SOX5: variants seen among roughly 807,000 people sequenced by gnomAD.
The protein encoded by SOX5 is transcription factor SOX-5.
Under a neutral mutation model 92.0 loss-of-function variants are expected in SOX5, and 9 were observed. The ratio of observed to expected loss-of-function variants is 0.10; its 90% CI spans 0.06 to 0.17. The LOEUF is 0.17. SOX5 is among the 10% of genes least tolerant of loss of function. The pLI is 1.00. For synonymous variants in SOX5, 344 were observed against 336.3 expected, an observed-to-expected ratio of 1.02 and a Z score of -0.25; for missense variants, 642 against 944.5, an observed-to-expected ratio of 0.68 and a Z score of 4.20.
At chr12:23,936,838 A>T (rs935811855) in intron 1 of SOX5, among the ~76,000 whole-genome samples, 1 of 151,036 alleles carries the variant, frequency 6.6e-6, no homozygotes, top group African/African-American at 2.4e-5. Flanking sequence ...ACTTAGTAAG[A>T]TATTTTACAT....
intron 2 of SOX5, among the ~76,000 whole-genome samples, chr12:23,886,484 C>G (rs1314512693): frequency 1.3e-5 from 2 of 151,952 alleles, no homozygotes; most frequent in Admixed American, 6.6e-5. Context: ...CCACGTCTTA[C>G]AGATTTCATT....
chr12:24,047,938 G>A (rs183770751), intron 4 of SOX5, among the ~76,000 whole-genome samples: 104 of 152,286 alleles, frequency 6.8e-4, no homozygotes, highest in African/African-American at 2.3e-3. Flanking sequence ...AAGAGTAAAC[G>A]TTAACAAGTG....
chr12:24,154,918 G>T (rs747660991), intron 4 of SOX5, among the ~76,000 whole-genome samples: 3 of 152,042 alleles, frequency 2.0e-5, no homozygotes, highest in Non-Finnish European at 2.9e-5. Context: ...CTTGTCAGAG[G>T]ATTATAAAAG....
intron 6 of SOX5, among the ~76,000 whole-genome samples, chr12:23,672,392 C>G (rs553200556): frequency 4.9e-4 from 75 of 152,284 alleles, no homozygotes; most frequent in African/African-American, 1.7e-3. Context: ...CTTTTCAAAA[C>G]TGCCTGTCAC....
chr12:24,256,699 G>T (rs1941249161), intron 3 of SOX5, among the ~76,000 whole-genome samples: 1 of 152,088 alleles, frequency 6.6e-6, no homozygotes, highest in East Asian at 1.9e-4. Flanking sequence ...CATTAGAGTT[G>T]CAGAATTATA....
intron 2 of SOX5, among the ~76,000 whole-genome samples, chr12:24,293,576 A>G (rs1271886494): frequency 1.3e-5 from 2 of 151,916 alleles, no homozygotes; most frequent in Non-Finnish European, 2.9e-5. Flanking sequence ...AGGACTGGTT[A>G]TGCAGTTTAT....
At chr12:23,677,194 T>C (rs1299407764) in intron 6 of SOX5, among the ~76,000 whole-genome samples, 1 of 152,168 alleles carries the variant, frequency 6.6e-6, no homozygotes, top group African/African-American at 2.4e-5. Context: ...CCCCCACCCT[T>C]TCCATTCTGC....
chr12:23,968,008 T>C (rs766852396), intron 4 of SOX5, among the ~76,000 whole-genome samples: 3 of 152,170 alleles, frequency 2.0e-5, no homozygotes, highest in Non-Finnish European at 4.4e-5. Flanking sequence ...TACCAACCCT[T>C]TGAGGTAGGC....
At chr12:23,840,001 A>G (rs1445573574) in intron 3 of SOX5, among the ~76,000 whole-genome samples, 1 of 151,578 alleles carries the variant, frequency 6.6e-6, no homozygotes, top group African/African-American at 2.4e-5. Context: ...AAAAAAAAAA[A>G]AAAAAAAGAA....
chr12:23,731,041 A>G lies in SOX5; in HGVS notation c.810+3643T>C, dbSNP rs749972315. ...CTTCTAATCTGCTGAGGATCCAGAA[A>G]GAACAAAAACAGAGGAAAGGTGAAT... On this transcript the variant is annotated intron_variant, in intron 6 of 14. Coordinates refer to ENST00000451604, the MANE Select transcript of SOX5 (RefSeq NM_006940.6). 7.5e-4 allele frequency among the ~76,000 whole-genome samples: 114 copies of G among 152,322 alleles called. No individual in the cohort carries two copies. In the Middle Eastern group the frequency reaches 0.01, roughly 14 times the overall value.
At chr12:23,552,047 G>A (rs1388421452) in intron 11 of SOX5, among the ~76,000 whole-genome samples, 1 of 151,818 alleles carries the variant, frequency 6.6e-6, no homozygotes, top group Non-Finnish European at 1.5e-5. Flanking sequence ...TTTTGGTCCA[G>A]GTGAATAACT....
intron 4 of SOX5, among the ~76,000 whole-genome samples, chr12:24,194,951 A>C (rs1252853215): frequency 6.6e-6 from 1 of 152,150 alleles, no homozygotes; most frequent in Non-Finnish European, 1.5e-5. Flanking sequence ...TAAACTAGAA[A>C]AGAAGACTGA....
chr12:24,340,539 G>A (rs1035331616), intron 2 of SOX5, among the ~76,000 whole-genome samples: 2 of 152,188 alleles, frequency 1.3e-5, no homozygotes, highest in African/African-American at 2.4e-5. Context: ...TCTGAAGCTG[G>A]TGTGAACCAG....
chr12:23,574,302 G>A (rs548563796), intron 10 of SOX5, among the ~76,000 whole-genome samples: 17 of 152,110 alleles, frequency 1.1e-4, no homozygotes, highest in East Asian at 1.9e-4. Flanking sequence ...GATGAGGCTC[G>A]TATTTCCAGC....
chr12:23,930,946 C>A (rs1437770720), intron 1 of SOX5, among the ~76,000 whole-genome samples: 5 of 151,844 alleles, frequency 3.3e-5, no homozygotes, highest in Admixed American at 1.3e-4. Context: ...TACCATAACA[C>A]CTGAACTTAC....
chr12:24,342,012 C>T (rs1207645204), intron 2 of SOX5, among the ~76,000 whole-genome samples: 1 of 152,230 alleles, frequency 6.6e-6, no homozygotes, highest in Non-Finnish European at 1.5e-5. Context: ...ATAAGATGTG[C>T]TTTCCTGATT....
intron 4 of SOX5, among the ~76,000 whole-genome samples, chr12:24,120,164 T>C (rs1384602864): frequency 6.6e-6 from 1 of 152,186 alleles, no homozygotes; most frequent in Non-Finnish European, 1.5e-5. Context: ...TATGTATGTA[T>C]TTCTGTTGGA....
intron 1 of SOX5, among the ~76,000 whole-genome samples, chr12:24,370,779 A>C (rs543881086): frequency 6.6e-6 from 1 of 152,264 alleles, no homozygotes; most frequent in South Asian, 2.1e-4. Context: ...ATGACAGAAC[A>C]AGATTCTGTC....
chr12:23,653,436 A>C (rs1013132942), intron 7 of SOX5, among the ~76,000 whole-genome samples: 1 of 152,096 alleles, frequency 6.6e-6, no homozygotes, highest in African/African-American at 2.4e-5. Flanking sequence ...TCTTGGATTT[A>C]AAGTAATTCC....
Sources: gnomAD v4.1 joint callset for allele counts (sites outside exome capture counted in the v4.1 genomes callset) on GRCh38, gnomAD v4.1.1 for gene constraint, MANE v1.5 for transcripts, NCBI Gene and HGNC (gene_info 2026-07-23, HGNC 2026-07-21) for gene names.